Variants in STPG2 observed in about 807,000 individuals in gnomAD.
STPG2 encodes the protein sperm tail PG-rich repeat containing 2.
In STPG2, 56 loss-of-function variants were observed where a neutral mutation model predicts 54.2. The observed-to-expected ratio is 1.03, with a 90% CI of 0.83 to 1.29. The LOEUF (loss-of-function observed/expected upper bound fraction) is 1.29, where lower values mean the gene tolerates loss of function less well. Ranked by LOEUF, STPG2 falls within the 50% of genes most tolerant of loss-of-function variation. The pLI is 0.00. For synonymous variants in STPG2, 200 were observed against 181.8 expected (o/e 1.10, Z -0.81); for missense variants, 596 against 544.9 (o/e 1.09, Z -0.93).
chr4:97,973,994 C>T (rs1734422536), intron 6 of STPG2, among the ~76,000 whole-genome samples: 1 of 152,190 alleles, frequency 6.6e-6, no homozygotes, highest in South Asian at 2.1e-4. Context: ...TGACAGCTTG[C>T]ACCATGTGCC....
At chr4:97,943,160 A>C (rs997547738) in intron 8 of STPG2, among the ~76,000 whole-genome samples, 9 of 152,206 alleles carry the variant, frequency 5.9e-5, no homozygotes, top group African/African-American at 2.2e-4. Flanking sequence ...CCTATTTTAT[A>C]AGAGTACTAA....
chr4:97,675,106 C>A (rs184274389), intron 10 of STPG2, among the ~76,000 whole-genome samples: 1 of 151,978 alleles, frequency 6.6e-6, no homozygotes, highest in Admixed American at 6.6e-5. Context: ...TGGGTTCAAG[C>A]GATTCTCCTG....
chr4:97,702,042 T>TC (rs1723795365), intron 10 of STPG2, among the ~76,000 whole-genome samples: 2 of 152,176 alleles, frequency 1.3e-5, no homozygotes, highest in Admixed American at 6.5e-5. Context: ...TCAGGGGATG[T>TC]CTTCTGGATC....
chr4:97,636,150 C>T (rs1438652543), intron 10 of STPG2, among the ~76,000 whole-genome samples: 1 of 149,132 alleles, frequency 6.7e-6, no homozygotes, highest in Non-Finnish European at 1.5e-5. Context: ...TCTCTCAGAC[C>T]ACAGTGCAAT....
At chr4:97,807,817 A>G (rs1365057284) in intron 9 of STPG2, among the ~76,000 whole-genome samples, 1 of 152,026 alleles carries the variant, frequency 6.6e-6, no homozygotes, top group Non-Finnish European at 1.5e-5. Flanking sequence ...CAGGATAAGG[A>G]TACAAAAAAC....
chr4:97,754,679 C>A (rs1725677438), intron 9 of STPG2, among the ~76,000 whole-genome samples: 1 of 152,032 alleles, frequency 6.6e-6, no homozygotes, highest in African/African-American at 2.4e-5. Flanking sequence ...TCCTAAATGA[C>A]TATTTCACAA....
intron 9 of STPG2, among the ~76,000 whole-genome samples, chr4:97,800,096 A>G (rs1334012071): frequency 3.3e-5 from 5 of 151,948 alleles, no homozygotes; most frequent in Admixed American, 3.3e-4. Context: ...ACCTTTTTTC[A>G]AGGTTTTTAG....
intron 10 of STPG2, among the ~76,000 whole-genome samples, chr4:97,691,647 C>T (rs925246051): frequency 1.3e-5 from 2 of 152,064 alleles, no homozygotes; most frequent in Non-Finnish European, 2.9e-5. Context: ...TGGCCCTACC[C>T]ACCACCTAAC....
intron 4 of STPG2, among the ~76,000 whole-genome samples, chr4:97,551,457 G>A (rs1578382008): frequency 6.6e-6 from 1 of 152,224 alleles, no homozygotes; most frequent in East Asian, 1.9e-4. Flanking sequence ...ATATGAAATA[G>A]GGCTTTCAGT....
chr4:97,521,320 T>G (rs1731176072), intron 4 of STPG2, among the ~76,000 whole-genome samples: 1 of 152,032 alleles, frequency 6.6e-6, no homozygotes, highest in African/African-American at 2.4e-5. Context: ...ACTTAAGAAA[T>G]TTGCCGGGTC....
At position 97,685,901 on chromosome 4, in the gene STPG2, G is replaced by A. The variant is rs1244650787; in HGVS notation, c.1320+26798C>T. Among the ~76,000 whole-genome samples, 3 of 152,130 alleles carry A rather than the reference G, an allele frequency of 2.0e-5. 1 individual carries two copies. Among genetic ancestry groups the A allele is most frequent in the Non-Finnish European group, 4.4e-5 (3 of 68,036 alleles). On this transcript the variant is annotated intron_variant, in intron 10 of 10. Transcript: ENST00000295268. The stretch of plus-strand genomic sequence containing the variant: ...GAGAGCAGTCTGACTAATACAGTGT[G>A]CAACACAAAGAATAGAGAATAGTAT...
At chr4:97,817,739 C>A (rs1342966839) in intron 9 of STPG2, among the ~76,000 whole-genome samples, 5 of 151,926 alleles carry the variant, frequency 3.3e-5, no homozygotes, top group African/African-American at 9.7e-5. Context: ...TGATAAGAAG[C>A]CTTTTAACTC....
At chr4:97,461,720 C>T (rs1176992782) in intron 4 of STPG2, among the ~76,000 whole-genome samples, 2 of 152,140 alleles carry the variant, frequency 1.3e-5, no homozygotes, top group South Asian at 2.1e-4. Flanking sequence ...AAGTTGAGAA[C>T]GTTTTCATAT....
chr4:97,566,851 G>C (rs1383609995), intron 10 of STPG2, among the ~76,000 whole-genome samples: 2 of 148,436 alleles, frequency 1.3e-5, no homozygotes, highest in Non-Finnish European at 3.0e-5. Flanking sequence ...ATGGACACAG[G>C]AAGGGGAACA....
intron 10 of STPG2, among the ~76,000 whole-genome samples, chr4:97,587,711 A>G (rs1160165476): frequency 6.6e-6 from 1 of 151,980 alleles, no homozygotes; most frequent in Non-Finnish European, 1.5e-5. Context: ...CATATTTCTC[A>G]CATCCAGTTC....
At chr4:97,550,664 C>T (rs575505349) in intron 4 of STPG2, among the ~76,000 whole-genome samples, 58 of 152,162 alleles carry the variant, frequency 3.8e-4, no homozygotes, top group African/African-American at 1.2e-3. Context: ...AATGAAGCTG[C>T]GGACCCTTGT....
chr4:97,660,004 CT>C (rs1274412068), intron 10 of STPG2, among the ~76,000 whole-genome samples: 357 of 140,880 alleles, frequency 2.5e-3, no homozygotes, highest in Middle Eastern at 7.6e-3. Flanking sequence ...ATCTTTCTTT[CT>C]TTTTTTTTTT....
At chr4:97,723,332 G>C (rs1369742721) in intron 9 of STPG2, among the ~76,000 whole-genome samples, 2 of 152,026 alleles carry the variant, frequency 1.3e-5, no homozygotes, top group Non-Finnish European at 2.9e-5. Flanking sequence ...TCCAAAAGGG[G>C]GGAGGGAGGG....
At chr4:97,543,319 T>A (rs1578376638) in intron 4 of STPG2, among the ~76,000 whole-genome samples, 1 of 151,774 alleles carries the variant, frequency 6.6e-6, no homozygotes, top group Non-Finnish European at 1.5e-5. Context: ...GAATAACTGA[T>A]TACTTGTAGT....
Sources: gnomAD v4.1 joint callset for allele counts (sites outside exome capture counted in the v4.1 genomes callset) on GRCh38, gnomAD v4.1.1 for gene constraint, MANE v1.5 for transcripts, NCBI Gene and HGNC (gene_info 2026-07-23, HGNC 2026-07-21) for gene names.